MAPK10: variants seen among roughly 807,000 people sequenced by gnomAD.
The protein encoded by MAPK10 is mitogen-activated protein kinase 10.
MAPK10 carries 25 observed loss-of-function variants against 59.3 expected under a neutral mutation model. The observed-to-expected ratio is 0.42, with a 90% CI of 0.31 to 0.59. The LOEUF is 0.59. Ranked by LOEUF, MAPK10 falls within the 20% of genes least tolerant of loss-of-function variation. The pLI, the probability that MAPK10 is intolerant of heterozygous loss-of-function variation, is 0.15. For synonymous variants in MAPK10, 190 were observed against 200.5 expected (o/e 0.95, Z 0.44); for missense variants, 351 against 568.9 (o/e 0.62, Z 3.90).
intron 3 of MAPK10, among the ~76,000 whole-genome samples, chr4:86,191,018 G>A (rs2079607892): frequency 6.6e-6 from 1 of 152,128 alleles, no homozygotes; most frequent in Non-Finnish European, 1.5e-5. Flanking sequence ...TAGTCATTTA[G>A]GAGCAGGTTG....
intron 4 of MAPK10, among the ~76,000 whole-genome samples, chr4:86,129,931 C>A (rs143913710): frequency 3.3e-5 from 5 of 152,250 alleles, no homozygotes; most frequent in African/African-American, 9.6e-5. Flanking sequence ...TACAAAAATT[C>A]TCTTCTCACC....
intron 1 of MAPK10, among the ~76,000 whole-genome samples, chr4:86,477,045 C>T (rs954193267): frequency 1.3e-5 from 2 of 152,256 alleles, no homozygotes; most frequent in East Asian, 1.9e-4. Context: ...CAGATCCTCT[C>T]GGCTTAGCAG....
At chr4:86,592,381 A>C (rs1423450674) in intron 1 of MAPK10, among the ~76,000 whole-genome samples, 1 of 151,968 alleles carries the variant, frequency 6.6e-6, no homozygotes, top group African/African-American at 2.4e-5. Flanking sequence ...AAGAAGAAAA[A>C]GAAAAGGAAA....
At chr4:86,381,591 T>C (rs1414732343) in intron 1 of MAPK10, among the ~76,000 whole-genome samples, 1 of 152,176 alleles carries the variant, frequency 6.6e-6, no homozygotes, top group Non-Finnish European at 1.5e-5. Flanking sequence ...GCCAAGGTAT[T>C]CGTGTCCCTG....
At chr4:86,060,448 G>A (rs2045526491) in intron 11 of MAPK10, among the ~76,000 whole-genome samples, 1 of 152,028 alleles carries the variant, frequency 6.6e-6, no homozygotes, top group Non-Finnish European at 1.5e-5. Flanking sequence ...CTTCTTCTGT[G>A]CCCTGAGAAA....
chr4:86,201,679 T>C (rs1365095630), intron 2 of MAPK10, among the ~76,000 whole-genome samples: 1 of 151,818 alleles, frequency 6.6e-6, no homozygotes, highest in African/African-American at 2.4e-5. Flanking sequence ...TTTAAATTAG[T>C]AGTATTTTTA....
chr4:86,531,011 C>T (rs1032851387), intron 1 of MAPK10, among the ~76,000 whole-genome samples: 17 of 152,156 alleles, frequency 1.1e-4, no homozygotes, highest in Non-Finnish European at 2.1e-4. Flanking sequence ...CTGGAACTGA[C>T]CAACACAGAA....
At position 86,338,035 on chromosome 4, in the gene MAPK10, T is replaced by C. The variant is rs117837992; in HGVS notation, c.-7+16495A>G. Among the ~76,000 whole-genome samples, 14 of 152,294 alleles carry C rather than the reference T, an allele frequency of 9.2e-5. No homozygotes were observed. In the East Asian group the frequency reaches 2.7e-3, roughly 29 times the overall value. On this transcript the variant is annotated intron_variant, in intron 2 of 13. Coordinates refer to ENST00000641462, the MANE Select transcript of MAPK10 (RefSeq NM_138982.4). ...AGATTTCCTGTGGAAATTATAAAAATAATATCTTAGATTTGCAGAGAAGTT... is the reference window on the plus strand; with the variant it reads ...AGATTTCCTGTGGAAATTATAAAAACAATATCTTAGATTTGCAGAGAAGTT...
intron 1 of MAPK10, among the ~76,000 whole-genome samples, chr4:86,572,556 A>G (rs1761540258): frequency 6.6e-6 from 1 of 152,186 alleles, no homozygotes; most frequent in Admixed American, 6.5e-5. Flanking sequence ...CGAATTTCAT[A>G]GTCCAGTGTT....
At chr4:86,484,807 A>G (rs1192682013) in intron 1 of MAPK10, among the ~76,000 whole-genome samples, 1 of 152,232 alleles carries the variant, frequency 6.6e-6, no homozygotes, top group Non-Finnish European at 1.5e-5. Flanking sequence ...ACTAAGTGAC[A>G]GAGCTGCTTC....
intron 4 of MAPK10, among the ~76,000 whole-genome samples, chr4:86,135,527 A>C (rs945124437): frequency 6.6e-6 from 1 of 152,076 alleles, no homozygotes; most frequent in Non-Finnish European, 1.5e-5. Flanking sequence ...CACACCAAAA[A>C]CCCATCTGTA....
At chr4:86,153,369 C>A (rs913926291) in intron 4 of MAPK10, among the ~76,000 whole-genome samples, 1 of 152,118 alleles carries the variant, frequency 6.6e-6, no homozygotes, top group Non-Finnish European at 1.5e-5. Context: ...AGGCTACAAA[C>A]TCTTGCTGTC....
chr4:86,237,357 T>C (rs540530993), intron 2 of MAPK10, among the ~76,000 whole-genome samples: 1 of 152,266 alleles, frequency 6.6e-6, no homozygotes, highest in South Asian at 2.1e-4. Context: ...TTATATTCCT[T>C]TGGGTATATA....
chr4:86,048,494 A>C (rs1055629137), intron 11 of MAPK10, among the ~76,000 whole-genome samples: 2 of 152,106 alleles, frequency 1.3e-5, no homozygotes, highest in Non-Finnish European at 2.9e-5. Flanking sequence ...AACACATCGA[A>C]CACAGATATT....
intron 2 of MAPK10, among the ~76,000 whole-genome samples, chr4:86,276,734 T>C (rs556624549): frequency 6.6e-6 from 1 of 152,270 alleles, no homozygotes; most frequent in East Asian, 1.9e-4. Flanking sequence ...TTATTCCTCA[T>C]AACAATGCTG....
intron 2 of MAPK10, chr4:86,308,584 T>TC (rs1386776949): frequency 6.6e-6 from 1 of 152,200 alleles, no homozygotes; most frequent in Non-Finnish European, 1.5e-5. Context: ...AGAATGTGTT[T>TC]CATGACATGA....
At position 86,015,083 on chromosome 4, in the gene MAPK10, G is replaced by A. The variant is rs1046298661; in HGVS notation, c.*2145C>T. ...CTGAGGAGGCATTTTTAACAATCAGGTTATCTGCAATATTAACCAGAAAAA... is the reference window on the plus strand; with the variant it reads ...CTGAGGAGGCATTTTTAACAATCAGATTATCTGCAATATTAACCAGAAAAA... On this transcript the variant is annotated 3_prime_UTR_variant, in exon 14 of 14. Coordinates refer to ENST00000641462, the MANE Select transcript of MAPK10 (RefSeq NM_138982.4). The A allele has an allele frequency of 1.3e-5, 2 of 151,378 alleles. No individual in the cohort carries two copies. The highest frequency in any genetic ancestry group is 2.1e-4 in the South Asian group (1 of 4,810). The allele number at this position is 151,378 out of a possible 1,614,324, so 9.4% of individuals were successfully genotyped here.
chr4:86,255,620 G>GT (rs758907310), intron 2 of MAPK10, among the ~76,000 whole-genome samples: 35 of 146,992 alleles, frequency 2.4e-4, no homozygotes, highest in Non-Finnish European at 4.2e-4. Context: ...TATATTGAAC[G>GT]TTTTTTTAAA....
At chr4:86,231,238 G>A (rs993425525) in intron 2 of MAPK10, among the ~76,000 whole-genome samples, 2 of 152,132 alleles carry the variant, frequency 1.3e-5, no homozygotes, top group Non-Finnish European at 1.5e-5. Context: ...AGAATTAACA[G>A]ACAAAATACA....
Sources: allele counts gnomAD v4.1 joint callset (sites outside exome capture counted in the v4.1 genomes callset), GRCh38; gene constraint gnomAD v4.1.1; transcripts MANE v1.5; gene names NCBI Gene and HGNC (gene_info 2026-07-23, HGNC 2026-07-21).